The following ATXN7 variants were observed in gnomAD, a reference collection of about 807,000 sequenced individuals.
The protein encoded by ATXN7 is ataxin 7.
Under a neutral mutation model 70.5 loss-of-function variants are expected in ATXN7, and 12 were observed. The observed-to-expected ratio is 0.17, with a 90% CI of 0.11 to 0.28. The LOEUF (loss-of-function observed/expected upper bound fraction) is 0.28, where lower values mean the gene tolerates loss of function less well. ATXN7 is among the 10% of genes least tolerant of loss of function. The pLI is 1.00. For synonymous variants in ATXN7, 498 were observed against 448.7 expected (o/e 1.11, Z -1.39); for missense variants, 1,256 against 1,131.7 (o/e 1.11, Z -1.58).
intron 5 of ATXN7, among the ~76,000 whole-genome samples, chr3:63,978,269 C>G (rs2075425743): frequency 6.6e-6 from 1 of 152,150 alleles, no homozygotes; most frequent in Non-Finnish European, 1.5e-5. Context: ...GGTTGACAGC[C>G]ACTGGTCTAG....
chr3:63,941,579 A>G (rs1226541497), intron 4 of ATXN7, among the ~76,000 whole-genome samples: 2 of 152,026 alleles, frequency 1.3e-5, no homozygotes, highest in African/African-American at 4.8e-5. Context: ...AAGGTTGGGG[A>G]CTGCTGCTGT....
chr3:63,994,045 C>T (rs139294453), intron 11 of ATXN7, among the ~76,000 whole-genome samples: 1 of 152,260 alleles, frequency 6.6e-6, no homozygotes, highest in Non-Finnish European at 1.5e-5. Flanking sequence ...ATCTTGGCTC[C>T]ACATTAGAAT....
chr3:63,981,566 G>C (rs2075487998), intron 6 of ATXN7, among the ~76,000 whole-genome samples: 1 of 152,210 alleles, frequency 6.6e-6, no homozygotes, highest in Non-Finnish European at 1.5e-5. Flanking sequence ...TAATGGCACA[G>C]GTATTCCCTA....
rs1478399030 is a variant in ATXN7, at chr3:64,002,462, T to G, written c.*2995T>G. On this transcript the variant is annotated 3_prime_UTR_variant, in exon 13 of 13. Coordinates refer to ENST00000674280, the MANE Select transcript of ATXN7 (RefSeq NM_001377405.1). Reference sequence around the variant, plus strand: ...GTAACTAAGTGACACACTGCTTTTCTTTTGTTAGTATTTTATGTGTGGGAG... The same window carrying G: ...GTAACTAAGTGACACACTGCTTTTCGTTTGTTAGTATTTTATGTGTGGGAG... 1 of 152,394 alleles carries G rather than the reference T, an allele frequency of 6.6e-6. No individual in the cohort carries two copies. Among genetic ancestry groups the G allele is most frequent in the Non-Finnish European group, 1.5e-5 (1 of 68,056 alleles). 9.4% of individuals were successfully genotyped at this position (152,394 alleles called of 1,614,324 possible).
intron 5 of ATXN7, among the ~76,000 whole-genome samples, chr3:63,955,343 G>A (rs546334941): frequency 6.6e-6 from 1 of 152,282 alleles, no homozygotes; most frequent in East Asian, 1.9e-4. Flanking sequence ...TGTAAGGAAT[G>A]CCCTCTTTGA....
chr3:63,893,097 G>A (rs184002120), intron 1 of ATXN7, among the ~76,000 whole-genome samples: 6 of 152,296 alleles, frequency 3.9e-5, no homozygotes, highest in Non-Finnish European at 7.3e-5. Flanking sequence ...AGCACAGAAA[G>A]AGTTCCTGTG....
At chr3:63,944,281 A>G (rs897861951) in intron 4 of ATXN7, among the ~76,000 whole-genome samples, 4 of 152,234 alleles carry the variant, frequency 2.6e-5, no homozygotes, top group South Asian at 2.1e-4. Context: ...AGCTTAACTT[A>G]TAAGTCAGAC....
chr3:63,990,934 G>A (rs2075661911), intron 11 of ATXN7, 75 bp downstream of exon 11: 11 of 1,601,410 alleles, frequency 6.9e-6, no homozygotes, highest in Admixed American at 3.3e-5. Context: ...CTGTGAGACT[G>A]ATGTTATGAA....
rs541922977 is a variant in ATXN7 at position 63,995,399 on chromosome 3, G to A, written c.1683-106G>A. The A allele has an allele frequency of 8.4e-5, 106 of 1,264,498 alleles. No individual in the cohort carries two copies. In the African/African-American group the frequency reaches 1.3e-3, roughly 16 times the overall value. The allele number at this position is 1,264,498 out of a possible 1,614,324, so 78.3% of individuals were successfully genotyped here. ...CTTTGTAGTTCAGAGTGATTGCTTT[G>A]ATGTGGATGGTTTCTCTTTGTCACA... On this transcript the variant is annotated intron_variant, in intron 11 of 12. Transcript: ENST00000674280.
chr3:63,950,680 T>C (rs2074938360), intron 4 of ATXN7, among the ~76,000 whole-genome samples: 1 of 152,196 alleles, frequency 6.6e-6, no homozygotes, highest in Non-Finnish European at 1.5e-5. Context: ...AAGTGACTTA[T>C]TACATGTATA....
At chr3:63,987,432 C>T (rs923264385) in intron 8 of ATXN7, among the ~76,000 whole-genome samples, 1 of 152,190 alleles carries the variant, frequency 6.6e-6, no homozygotes, top group African/African-American at 2.4e-5. Flanking sequence ...TACTTTGTCT[C>T]CCTTCCTGTT....
intron 4 of ATXN7, among the ~76,000 whole-genome samples, chr3:63,938,423 G>C (rs1260574928): frequency 6.6e-6 from 1 of 152,180 alleles, no homozygotes; most frequent in Non-Finnish European, 1.5e-5. Context: ...GAAGGATTAG[G>C]AGTAGAAGTA....
chr3:63,863,822 G>A, upstream of ATXN7: 1 of 1,230,916 alleles, frequency 8.1e-7, no homozygotes, highest in African/African-American at 1.6e-5. Flanking sequence ...GGCGGCGGCG[G>A]CGCAAGCTGA....
At chr3:63,966,066 C>T (rs2075217204) in intron 5 of ATXN7, among the ~76,000 whole-genome samples, 1 of 152,178 alleles carries the variant, frequency 6.6e-6, no homozygotes, top group African/African-American at 2.4e-5. Context: ...TTAGAACTGT[C>T]TTGGATTGGC....
At chr3:63,983,875 C>T (rs2075529462) in intron 8 of ATXN7, among the ~76,000 whole-genome samples, 2 of 152,050 alleles carry the variant, frequency 1.3e-5, no homozygotes, top group Non-Finnish European at 2.9e-5. Flanking sequence ...GTTCAAGAAG[C>T]ATTCAGAGTC....
chr3:63,916,068 G>C (rs576575313), intron 4 of ATXN7, among the ~76,000 whole-genome samples: 1 of 152,312 alleles, frequency 6.6e-6, no homozygotes, highest in Admixed American at 6.5e-5. Context: ...CTAGGGGTTA[G>C]AAAGCCTGGA....
At chr3:63,892,473 A>ACACACACACACACACACACACC (rs1296054829) in intron 1 of ATXN7, among the ~76,000 whole-genome samples, 1 of 141,020 alleles carries the variant, frequency 7.1e-6, no homozygotes, top group Non-Finnish European at 1.5e-5. Flanking sequence ...TCCTTCACAC[A>ACACACACACACACACACACACC]CACACACACA....
chr3:63,864,828 A>C (rs1247612244), intron 1 of ATXN7: 1 of 152,216 alleles, frequency 6.6e-6, no homozygotes, highest in Non-Finnish European at 1.5e-5. Context: ...ACTGCAAATT[A>C]TATTGGCATC....
Position 63,982,623 on chromosome 3 carries a change from AGTGTGT to A in ATXN7, c.1012+209_1012+214del, listed in dbSNP as rs71099784. 5.4e-3 allele frequency among the ~76,000 whole-genome samples: 770 copies of A among 143,552 alleles called. 7 individuals carry two copies. The highest frequency in any genetic ancestry group is 0.017 in the African/African-American group (645 of 38,468). The allele number at this position is 143,552 out of a possible 152,430, so 94.2% of individuals were successfully genotyped here. ...TCACTCTTGGGTTTTAAAGAGCATG[AGTGTGT>A]GTGTGTGTGTGTGTGTGTGTGTGTG... On this transcript the variant is annotated intron_variant, in intron 7 of 12. Coordinates refer to ENST00000674280, the MANE Select transcript of ATXN7 (RefSeq NM_001377405.1).
Sources: gnomAD v4.1 joint callset for allele counts (sites outside exome capture counted in the v4.1 genomes callset) on GRCh38, gnomAD v4.1.1 for gene constraint, MANE v1.5 for transcripts, NCBI Gene and HGNC (gene_info 2026-07-23, HGNC 2026-07-21) for gene names.